CACNA2D3: variants seen among roughly 807,000 people sequenced by gnomAD.
CACNA2D3 encodes voltage-dependent calcium channel subunit alpha-2/delta-3.
A neutral mutation model predicts 160.6 loss-of-function variants in CACNA2D3; 60 were observed. That is an observed-to-expected ratio of 0.37 (90% confidence interval 0.30 to 0.46). CACNA2D3 has a LOEUF of 0.46. Ranked by LOEUF, CACNA2D3 falls within the 20% of genes least tolerant of loss-of-function variation. The pLI, the probability that CACNA2D3 is intolerant of heterozygous loss-of-function variation, is 1.00. For missense variants in CACNA2D3, 1,205 were observed against 1,365.0 expected, an observed-to-expected ratio of 0.88 and a Z score of 1.85; for synonymous variants, 558 against 492.9, an observed-to-expected ratio of 1.13 and a Z score of -1.75.
chr3:54,455,907 G>T (rs980129764), intron 4 of CACNA2D3, among the ~76,000 whole-genome samples: 2 of 151,958 alleles, frequency 1.3e-5, no homozygotes, highest in African/African-American at 4.8e-5. Context: ...TTATTTCTGG[G>T]CTCTCTATTC....
Position 54,846,481 on chromosome 3 carries a change from T to C in CACNA2D3, c.1626+14T>C, listed in dbSNP as rs1698934975. ...CTCAGGCTGCTGGTAAGAGAAATTA[T>C]GTACTTCTGCATTTCTGCTTTTATG... is the stretch of plus-strand genomic sequence containing the variant. On this transcript the variant is annotated intron_variant, in intron 17 of 37. Transcript: ENST00000474759. The C allele has an allele frequency of 2.6e-6, 4 of 1,518,086 alleles. No individual in the cohort carries two copies. In the African/African-American group the frequency reaches 4.1e-5, roughly 16 times the overall value. 94.0% of individuals were successfully genotyped at this position (1,518,086 alleles called of 1,614,324 possible). A position where few individuals can be genotyped will look rare whatever the true frequency, so the allele number is the denominator to read the frequency against.
chr3:54,352,944 G>A (rs897244811), intron 3 of CACNA2D3, among the ~76,000 whole-genome samples: 1 of 152,176 alleles, frequency 6.6e-6, no homozygotes, highest in African/African-American at 2.4e-5. Flanking sequence ...CGTGCAGTGT[G>A]AAATAGGACA....
intron 27 of CACNA2D3, among the ~76,000 whole-genome samples, chr3:54,950,826 A>G (rs1245207026): frequency 1.3e-5 from 2 of 152,154 alleles, no homozygotes; most frequent in Admixed American, 6.5e-5. Context: ...GCATGGTGAC[A>G]TGTGAGGTTT....
intron 27 of CACNA2D3, among the ~76,000 whole-genome samples, chr3:54,961,063 G>C (rs1207305519): frequency 6.6e-6 from 1 of 152,162 alleles, no homozygotes; most frequent in African/African-American, 2.4e-5. Flanking sequence ...TAACTGTTTT[G>C]AAAACAAACA....
chr3:54,641,072 G>A (rs9834511), intron 10 of CACNA2D3, among the ~76,000 whole-genome samples: 13,231 of 151,644 alleles, frequency 0.087, 1,836 homozygotes, highest in African/African-American at 0.3. Context: ...GCTCGATGAA[G>A]TATTTAAAGA....
chr3:54,943,725 A>G (rs1312708483), intron 27 of CACNA2D3, among the ~76,000 whole-genome samples: 3 of 151,250 alleles, frequency 2.0e-5, no homozygotes, highest in Admixed American at 6.6e-5. Context: ...TGCCTATTTC[A>G]TCTTGCTTTG....
intron 2 of CACNA2D3, among the ~76,000 whole-genome samples, chr3:54,143,747 C>T (rs1225878020): frequency 6.6e-6 from 1 of 152,180 alleles, no homozygotes; most frequent in Non-Finnish European, 1.5e-5. Context: ...GATCCACCTG[C>T]CTCGGCCTCC....
chr3:54,781,918 G>A (rs1249702636), intron 13 of CACNA2D3, among the ~76,000 whole-genome samples: 1 of 152,184 alleles, frequency 6.6e-6, no homozygotes, highest in Non-Finnish European at 1.5e-5. Context: ...AGCAGCTGAA[G>A]GCAAGACTGT....
chr3:54,869,763 C>T (rs1231734131), intron 17 of CACNA2D3, among the ~76,000 whole-genome samples: 1 of 152,242 alleles, frequency 6.6e-6, no homozygotes, highest in Non-Finnish European at 1.5e-5. Context: ...CTGCTGACAA[C>T]TCCGGTTGAC....
chr3:54,429,700 C>A (rs1219943884), intron 4 of CACNA2D3, among the ~76,000 whole-genome samples: 1 of 152,144 alleles, frequency 6.6e-6, no homozygotes, highest in Non-Finnish European at 1.5e-5. Flanking sequence ...CCATGCCTAC[C>A]CTTGGTACCC....
At chr3:54,736,079 ATATG>A (rs1336463283) in intron 11 of CACNA2D3, among the ~76,000 whole-genome samples, 2 of 26,712 alleles carry the variant, frequency 7.5e-5, no homozygotes, top group Non-Finnish European at 2.2e-4. Flanking sequence ...ATATACATAT[ATATG>A]TATGTGTATA....
intron 5 of CACNA2D3, among the ~76,000 whole-genome samples, chr3:54,513,856 T>A (rs2106968087): frequency 6.6e-6 from 1 of 152,298 alleles, no homozygotes; most frequent in African/African-American, 2.4e-5. Flanking sequence ...AATTTTTGTA[T>A]TTTTATCAGA....
At chr3:54,528,471 T>G (rs1310389321) in intron 5 of CACNA2D3, among the ~76,000 whole-genome samples, 1 of 151,876 alleles carries the variant, frequency 6.6e-6, no homozygotes, top group African/African-American at 2.4e-5. Flanking sequence ...AACTTGGATG[T>G]CCTGGTTTCC....
chr3:54,748,912 G>T (rs1701807363), intron 11 of CACNA2D3, among the ~76,000 whole-genome samples: 1 of 152,198 alleles, frequency 6.6e-6, no homozygotes, highest in African/African-American at 2.4e-5. Context: ...GGAGCAATTT[G>T]ACTGTTGTTC....
At chr3:54,991,378 A>G (rs1433949106) in intron 31 of CACNA2D3, among the ~76,000 whole-genome samples, 1 of 152,032 alleles carries the variant, frequency 6.6e-6, no homozygotes, top group Admixed American at 6.6e-5. Flanking sequence ...GCACACCACC[A>G]TGCCCAGCTA....
At chr3:54,259,143 A>G (rs905450807) in intron 2 of CACNA2D3, among the ~76,000 whole-genome samples, 1 of 152,202 alleles carries the variant, frequency 6.6e-6, no homozygotes, top group African/African-American at 2.4e-5. Flanking sequence ...AGAGTTGGCT[A>G]AAAAATGGGC....
intron 4 of CACNA2D3, among the ~76,000 whole-genome samples, chr3:54,418,313 A>G (rs1699787079): frequency 1.3e-5 from 2 of 152,104 alleles, no homozygotes; most frequent in African/African-American, 4.8e-5. Flanking sequence ...TTTCAGTTTC[A>G]CCATGAAATG....
chr3:54,971,112 C>CA (rs1026101922), intron 29 of CACNA2D3, among the ~76,000 whole-genome samples: 1,510 of 139,202 alleles, frequency 0.011, 23 homozygotes, highest in African/African-American at 0.035. Flanking sequence ...GTCACAGTAT[C>CA]AAAAAAAAAA....
rs568091955 is a variant in CACNA2D3 at position 55,049,577 on chromosome 3, C to T, written c.2988-23868C>T. ...TGTGGTGCTGAAAAAAATGTATATT[C>T]TGTTGATTTGGGGTGGAGAGTTCTG... On this transcript the variant is annotated intron_variant, in intron 35 of 37. Coordinates refer to ENST00000474759, the MANE Select transcript of CACNA2D3 (RefSeq NM_018398.3). Among the ~76,000 whole-genome samples, 761 of 146,810 alleles carry T rather than the reference C, an allele frequency of 5.2e-3. 5 individuals carry two copies. The highest frequency in any genetic ancestry group is 0.019 in the African/African-American group (728 of 38,372).
Sources: gnomAD v4.1 joint callset for allele counts (sites outside exome capture counted in the v4.1 genomes callset) on GRCh38, gnomAD v4.1.1 for gene constraint, MANE v1.5 for transcripts, NCBI Gene and HGNC (gene_info 2026-07-23, HGNC 2026-07-21) for gene names.